ADAMTSL1: variants seen among roughly 807,000 people sequenced by gnomAD.
ADAMTSL1 encodes the protein ADAMTS like 1.
ADAMTSL1 carries 126 observed loss-of-function variants against 201.8 expected under a neutral mutation model. The ratio of observed to expected loss-of-function variants is 0.62; its 90% confidence interval spans 0.54 to 0.72. ADAMTSL1 has a LOEUF of 0.72. ADAMTSL1 is among the 30% of genes least tolerant of loss of function. The probability of loss-of-function intolerance (pLI) is 0.00; values close to 1 mark genes in which losing one functional copy is unlikely to be tolerated. For synonymous variants in ADAMTSL1, 1,121 were observed against 903.4 expected, an observed-to-expected ratio of 1.24 and a Z score of -4.32; for missense variants, 2,679 against 2,277.8, an observed-to-expected ratio of 1.18 and a Z score of -3.59.
At chr9:18,752,193 A>G (rs1457971155) in intron 15 of ADAMTSL1, among the ~76,000 whole-genome samples, 1 of 152,214 alleles carries the variant, frequency 6.6e-6, no homozygotes, top group Non-Finnish European at 1.5e-5. Flanking sequence ...AGATTATTAC[A>G]GATATGGCTA....
chr9:18,068,715 T>G (rs1420495433), intron 1 of ADAMTSL1, among the ~76,000 whole-genome samples: 1 of 152,196 alleles, frequency 6.6e-6, no homozygotes. Context: ...TTTAATATAT[T>G]TAACAAGTTT....
At chr9:18,590,493 A>G (rs999915870) in intron 4 of ADAMTSL1, among the ~76,000 whole-genome samples, 4 of 151,588 alleles carry the variant, frequency 2.6e-5, no homozygotes, top group African/African-American at 4.8e-5. Flanking sequence ...CTTTTGTATT[A>G]GTTTTTAGTC....
chr9:17,991,290 C>T (rs1819140125), intron 1 of ADAMTSL1, among the ~76,000 whole-genome samples: 1 of 152,114 alleles, frequency 6.6e-6, no homozygotes, highest in Non-Finnish European at 1.5e-5. Flanking sequence ...TATTCCAAAC[C>T]TTTGTCCTAT....
At chr9:18,757,128 C>G (rs557896350) in intron 16 of ADAMTSL1, among the ~76,000 whole-genome samples, 31 of 152,266 alleles carry the variant, frequency 2.0e-4, no homozygotes, top group African/African-American at 7.2e-4. Context: ...ATACTCTGCC[C>G]TTTGCTTTTC....
At chr9:18,888,720 T>C (rs542740075) in intron 24 of ADAMTSL1, among the ~76,000 whole-genome samples, 40 of 152,266 alleles carry the variant, frequency 2.6e-4, no homozygotes, top group African/African-American at 9.1e-4. Flanking sequence ...CTGTGGCCTA[T>C]GTGTGATGTA....
chr9:18,053,049 A>T (rs537274712), intron 1 of ADAMTSL1, among the ~76,000 whole-genome samples: 1 of 152,194 alleles, frequency 6.6e-6, no homozygotes, highest in African/African-American at 2.4e-5. Context: ...TTGCCTTTGT[A>T]ATACTGGGTC....
intron 4 of ADAMTSL1, among the ~76,000 whole-genome samples, chr9:18,605,303 C>G (rs182675491): frequency 6.6e-6 from 1 of 152,194 alleles, no homozygotes. Context: ...GCTGAATCCA[C>G]ATCTGCAATT....
intron 1 of ADAMTSL1, among the ~76,000 whole-genome samples, chr9:18,156,938 T>G (rs1386825811): frequency 6.6e-6 from 1 of 152,060 alleles, no homozygotes; most frequent in East Asian, 1.9e-4. Context: ...AGAAGATAAT[T>G]GGCTTTATGT....
chr9:18,036,991 C>G (rs1821227871), intron 1 of ADAMTSL1, among the ~76,000 whole-genome samples: 1 of 152,164 alleles, frequency 6.6e-6, no homozygotes, highest in South Asian at 2.1e-4. Flanking sequence ...ACTCAAAACT[C>G]ACTTCTCTTT....
intron 1 of ADAMTSL1, among the ~76,000 whole-genome samples, chr9:18,112,816 C>G (rs1825083840): frequency 6.6e-6 from 1 of 152,122 alleles, no homozygotes; most frequent in African/African-American, 2.4e-5. Flanking sequence ...CTGCCTCATC[C>G]CTAGAGTCTA....
intron 24 of ADAMTSL1, among the ~76,000 whole-genome samples, chr9:18,889,021 T>G (rs1829074734): frequency 6.6e-6 from 1 of 152,112 alleles, no homozygotes; most frequent in African/African-American, 2.4e-5. Flanking sequence ...TATCAGTGAG[T>G]CCCAGACCCC....
chr9:18,112,835 T>G (rs1216312922), intron 1 of ADAMTSL1, among the ~76,000 whole-genome samples: 1 of 152,178 alleles, frequency 6.6e-6, no homozygotes. Flanking sequence ...TAGCACAGGC[T>G]CTGGCATATA....
chr9:18,772,875 T>G (rs1820772674), intron 17 of ADAMTSL1, among the ~76,000 whole-genome samples: 1 of 152,166 alleles, frequency 6.6e-6, no homozygotes, highest in East Asian at 1.9e-4. Context: ...GAGGTAGCCC[T>G]TATCCAACGA....
At chr9:17,983,332 G>C (rs35720463) in intron 1 of ADAMTSL1, among the ~76,000 whole-genome samples, 1 of 151,892 alleles carries the variant, frequency 6.6e-6, no homozygotes, top group Non-Finnish European at 1.5e-5. Flanking sequence ...GCCTCCCAAA[G>C]TGCTGGGATT....
At chr9:18,014,615 T>C (rs1464459271) in intron 1 of ADAMTSL1, among the ~76,000 whole-genome samples, 1 of 152,106 alleles carries the variant, frequency 6.6e-6, no homozygotes, top group African/African-American at 2.4e-5. Flanking sequence ...TGAAGTCTTA[T>C]TGCAGCCATC....
rs1399954659 is a variant in ADAMTSL1 at position 18,817,189 on chromosome 9, A to G, written c.3886A>G (p.Ile1296Val). The G allele has an allele frequency of 1.9e-6, 3 of 1,574,934 alleles. No individual in the cohort carries two copies. Among genetic ancestry groups the G allele is most frequent in the Non-Finnish European group, 2.6e-6 (3 of 1,159,392 alleles). The change falls in exon 21 of 29, where the codon ATC (isoleucine) becomes GTC (valine). Residue 1296 changes from isoleucine (I) to valine (V), a missense_variant. Ile to Val is a conservative substitution (Grantham distance 29). Transcript: ENST00000380548. ...AGTCACAGTCGATATAGGAAGCACC[A>G]TCAAAACAGTGCAGGGAGTGAATGT... The part of the protein sequence containing the change: ...PAVTVDIGST[I>V]KTVQGVNVTI...
intron 1 of ADAMTSL1, among the ~76,000 whole-genome samples, chr9:17,933,761 G>A (rs1033143872): frequency 2.0e-5 from 3 of 152,084 alleles, no homozygotes; most frequent in Admixed American, 6.6e-5. Context: ...ACCAGATTTC[G>A]TGAGAACTCA....
At chr9:18,710,113 T>C (rs1444712629) in intron 14 of ADAMTSL1, among the ~76,000 whole-genome samples, 1 of 151,178 alleles carries the variant, frequency 6.6e-6, no homozygotes, top group Non-Finnish European at 1.5e-5. Context: ...GCCCTTAGAG[T>C]TTTTCCCTCC....
At chr9:18,663,020 C>G (rs534908562) in intron 9 of ADAMTSL1, among the ~76,000 whole-genome samples, 1 of 152,248 alleles carries the variant, frequency 6.6e-6, no homozygotes, top group South Asian at 2.1e-4. Context: ...TCATACTATA[C>G]TGATGATGTA....
Sources: gnomAD v4.1 joint callset for allele counts (sites outside exome capture counted in the v4.1 genomes callset) on GRCh38, gnomAD v4.1.1 for gene constraint, MANE v1.5 for transcripts, NCBI Gene and HGNC (gene_info 2026-07-23, HGNC 2026-07-21) for gene names.